Variants in KCTD8 observed in about 807,000 individuals in gnomAD.
The protein encoded by KCTD8 is BTB/POZ domain-containing protein KCTD8.
KCTD8 carries 27 observed loss-of-function variants against 31.5 expected under a neutral mutation model. The ratio of observed to expected loss-of-function variants is 0.86; its 90% CI spans 0.63 to 1.18. The LOEUF is 1.18. Among genes scored for constraint, KCTD8 ranks in the 50% most tolerant of loss-of-function variants. The pLI is 0.00. For synonymous variants in KCTD8, 290 were observed against 280.0 expected, an observed-to-expected ratio of 1.04 and a Z score of -0.36; for missense variants, 658 against 647.7, an observed-to-expected ratio of 1.02 and a Z score of -0.17.
Position 44,250,226 on chromosome 4 carries a change from C to T in KCTD8, c.962-74976G>A, listed in dbSNP as rs114422412. Reference sequence around the variant, plus strand: ...ATTTTACTGTTGCCAAATTGCTTTTCAAATCGAATGTTATGTTTTCACCAG... The same window carrying T: ...ATTTTACTGTTGCCAAATTGCTTTTTAAATCGAATGTTATGTTTTCACCAG... On this transcript the variant is annotated intron_variant, in intron 1 of 1. Transcript: ENST00000360029. Among the ~76,000 whole-genome samples the T allele has an allele frequency of 2.1e-3, 326 of 151,782 alleles. 1 individual carries two copies. Among genetic ancestry groups the T allele is most frequent in the Middle Eastern group, 3.4e-3 (1 of 294 alleles).
intron 1 of KCTD8, among the ~76,000 whole-genome samples, chr4:44,186,891 G>A (rs1441272980): frequency 1.3e-5 from 2 of 152,160 alleles, no homozygotes; most frequent in African/African-American, 4.8e-5. Flanking sequence ...TATTGTCTAA[G>A]CACACAGGGG....
intron 1 of KCTD8, among the ~76,000 whole-genome samples, chr4:44,319,740 T>G (rs527643340): frequency 6.6e-6 from 1 of 152,092 alleles, no homozygotes; most frequent in Non-Finnish European, 1.5e-5. Context: ...GGCCAAAAAA[T>G]AGAGTCTGGA....
intron 1 of KCTD8, among the ~76,000 whole-genome samples, chr4:44,377,563 GC>G (rs1243996040): frequency 6.6e-6 from 1 of 152,140 alleles, no homozygotes; most frequent in Non-Finnish European, 1.5e-5. Flanking sequence ...TTTAACATAT[GC>G]TTGGGGAAAA....
chr4:44,209,127 C>A (rs923026473), intron 1 of KCTD8, among the ~76,000 whole-genome samples: 1 of 152,150 alleles, frequency 6.6e-6, no homozygotes, highest in East Asian at 1.9e-4. Context: ...CCCTCACAAG[C>A]AGTAATATTT....
chr4:44,235,191 G>GTTT (rs34823190), intron 1 of KCTD8, among the ~76,000 whole-genome samples: 3 of 136,580 alleles, frequency 2.2e-5, no homozygotes, highest in Admixed American at 7.4e-5. Flanking sequence ...AGTGTGCTGA[G>GTTT]TTTTTTTTTT....
At chr4:44,259,366 G>T (rs1716096717) in intron 1 of KCTD8, among the ~76,000 whole-genome samples, 1 of 151,818 alleles carries the variant, frequency 6.6e-6, no homozygotes, top group Non-Finnish European at 1.5e-5. Flanking sequence ...GTGTAAACCT[G>T]CCACACTAAT....
At chr4:44,330,954 C>T (rs1718577490) in intron 1 of KCTD8, among the ~76,000 whole-genome samples, 1 of 151,670 alleles carries the variant, frequency 6.6e-6, no homozygotes, top group African/African-American at 2.4e-5. Context: ...TGTGACACTT[C>T]CTCTTCCTTG....
rs566011266 is a variant in KCTD8, at chr4:44,357,256, G to T, written c.961+90307C>A. Among the ~76,000 whole-genome samples, 3 of 152,266 alleles carry T rather than the reference G, an allele frequency of 2.0e-5. No individual in the cohort carries two copies. In the East Asian group the frequency reaches 5.8e-4, roughly 29 times the overall value. On this transcript the variant is annotated intron_variant, in intron 1 of 1. Transcript: ENST00000360029. ...ACAAAAGCAACAAAACTGGTAAAGT[G>T]GTGGCAACCTGACAAAAGATTTAGC... is the stretch of plus-strand genomic sequence containing the variant.
At chr4:44,236,030 C>T (rs752159323) in intron 1 of KCTD8, among the ~76,000 whole-genome samples, 1 of 152,124 alleles carries the variant, frequency 6.6e-6, no homozygotes, top group Non-Finnish European at 1.5e-5. Context: ...CTTACTATCT[C>T]CCCACCTGGA....
chr4:44,437,279 C>A (rs1460254863), intron 1 of KCTD8, among the ~76,000 whole-genome samples: 1 of 152,110 alleles, frequency 6.6e-6, no homozygotes, highest in African/African-American at 2.4e-5. Flanking sequence ...ATCTATTAGG[C>A]ATGTCATTCA....
chr4:44,351,330 T>C (rs1273158229), intron 1 of KCTD8, among the ~76,000 whole-genome samples: 6 of 152,068 alleles, frequency 3.9e-5, no homozygotes, highest in Non-Finnish European at 8.8e-5. Flanking sequence ...TGATCTGACA[T>C]TTTCACCACA....
chr4:44,389,445 T>C (rs995405452), intron 1 of KCTD8, among the ~76,000 whole-genome samples: 1 of 151,728 alleles, frequency 6.6e-6, no homozygotes, highest in Non-Finnish European at 1.5e-5. Flanking sequence ...TACTATGACA[T>C]AGTTGTAGGA....
At chr4:44,417,558 G>C (rs1721105460) in intron 1 of KCTD8, among the ~76,000 whole-genome samples, 3 of 10,712 alleles carry the variant, frequency 2.8e-4, no homozygotes. Context: ...TCTTACTTGA[G>C]TTTGTATCCA....
chr4:44,306,388 A>C (rs900938081), intron 1 of KCTD8, among the ~76,000 whole-genome samples: 3 of 152,008 alleles, frequency 2.0e-5, no homozygotes, highest in African/African-American at 7.2e-5. Flanking sequence ...ATGGTTAGTA[A>C]GGTGGATATT....
intron 1 of KCTD8, among the ~76,000 whole-genome samples, chr4:44,356,061 A>G (rs1335147356): frequency 2.0e-5 from 3 of 152,194 alleles, no homozygotes; most frequent in East Asian, 1.9e-4. Flanking sequence ...TATACTACAT[A>G]TAACTTCTAG....
intron 1 of KCTD8, among the ~76,000 whole-genome samples, chr4:44,390,291 C>A (rs541972206): frequency 6.8e-4 from 104 of 152,038 alleles, no homozygotes; most frequent in Non-Finnish European, 1.2e-3. Context: ...AGACCTTCAC[C>A]CATCTTGAGT....
Position 44,448,713 on chromosome 4 carries a change from G to A in KCTD8, c.-190C>T. The A allele has an allele frequency of 2.2e-6, 1 of 460,462 alleles. No homozygotes were observed. The highest frequency in any genetic ancestry group is 3.5e-6 in the Non-Finnish European group (1 of 284,488). The allele number at this position is 460,462 out of a possible 1,614,324, so 28.5% of individuals were successfully genotyped here. ...TCGGCGGCGCCCGAGCTCCATCGGA[G>A]GAGAGACGCGCGAGAGAGGAGCTCC... On this transcript the variant is annotated 5_prime_UTR_variant, in exon 1 of 2. Transcript: ENST00000360029. The surrounding 1 kb of genome is among the most constrained non-coding windows in gnomAD (Gnocchi z 4.1).
intron 1 of KCTD8, among the ~76,000 whole-genome samples, chr4:44,438,528 CA>C (rs1721735680): frequency 6.6e-6 from 1 of 152,082 alleles, no homozygotes; most frequent in Non-Finnish European, 1.5e-5. Context: ...AACCAGTGAC[CA>C]GCACTGGACC....
intron 1 of KCTD8, among the ~76,000 whole-genome samples, chr4:44,249,677 A>T (rs1241790817): frequency 6.6e-6 from 1 of 151,802 alleles, no homozygotes; most frequent in African/African-American, 2.4e-5. Flanking sequence ...TATGTACAGT[A>T]CCTGTATAAA....
Sources: allele counts gnomAD v4.1 joint callset (sites outside exome capture counted in the v4.1 genomes callset), GRCh38; gene constraint gnomAD v4.1.1; non-coding constraint Gnocchi (gnomAD v3.1); transcripts MANE v1.5; gene names NCBI Gene and HGNC (gene_info 2026-07-23, HGNC 2026-07-21).